Variants in TNN observed in about 807,000 individuals in gnomAD.
TNN encodes tenascin N.
Under a neutral mutation model 134.4 loss-of-function variants are expected in TNN, and 122 were observed. The observed-to-expected ratio is 0.91, with a 90% CI of 0.78 to 1.06. The LOEUF is 1.06. Ranked by LOEUF, TNN falls within the 50% of genes least tolerant of loss-of-function variation. The pLI, the probability that TNN is intolerant of heterozygous loss-of-function variation, is 0.00. For synonymous variants in TNN, 710 were observed against 670.3 expected (o/e 1.06, Z -0.91); for missense variants, 1,739 against 1,699.4 (o/e 1.02, Z -0.41).
chr1:175,146,136 G>C (rs1359706429), intron 18 of TNN, among the ~76,000 whole-genome samples: 1 of 152,320 alleles, frequency 6.6e-6, no homozygotes, highest in Non-Finnish European at 1.5e-5. Context: ...AGGGAAGCTG[G>C]GGAGGGTGGG....
chr1:175,128,331 G>A (rs1413643990), intron 14 of TNN, among the ~76,000 whole-genome samples, 167 bp downstream of exon 14: 1 of 152,262 alleles, frequency 6.6e-6, no homozygotes, highest in African/African-American at 2.4e-5. Context: ...CCCCACAGTG[G>A]GGAGGCTAAA....
intron 9 of TNN, among the ~76,000 whole-genome samples, chr1:175,109,530 G>A (rs1028547874): frequency 6.6e-6 from 1 of 152,012 alleles, no homozygotes; most frequent in African/African-American, 2.4e-5. Flanking sequence ...GTAAGAACAT[G>A]CAATGTTTGT....
chr1:175,134,936 A>T (rs1375406666), intron 15 of TNN, among the ~76,000 whole-genome samples: 2 of 152,172 alleles, frequency 1.3e-5, no homozygotes, highest in Non-Finnish European at 2.9e-5. Context: ...AATAATTTCC[A>T]GCGCTCTTAC....
intron 7 of TNN, 30 bp downstream of exon 7, chr1:175,094,283 T>C: frequency 6.6e-7 from 1 of 1,519,100 alleles, no homozygotes. Context: ...ATAAATAGGT[T>C]TCCTCATGGC....
At position 175,128,178 on chromosome 1, in the gene TNN, C is replaced by CTGTA. The variant is rs1164793014; in HGVS notation, c.3178+15_3178+18dup. The CTGTA allele has an allele frequency of 1.3e-6, 2 of 1,581,648 alleles. No individual in the cohort carries two copies. Among genetic ancestry groups the CTGTA allele is most frequent in the Non-Finnish European group, 1.7e-6 (2 of 1,164,444 alleles). ...CCCTCTCCACAGGTAATATGGAATC[C>CTGTA]TGTACTCTGAACGACCGTGCAATGA... On this transcript the variant is annotated intron_variant, in intron 14 of 18. Transcript: ENST00000239462.
intron 13 of TNN, among the ~76,000 whole-genome samples, chr1:175,127,573 T>C (rs982278753): frequency 3.9e-5 from 6 of 152,226 alleles, no homozygotes; most frequent in Non-Finnish European, 8.8e-5. Flanking sequence ...CCTATGTTTA[T>C]AGAGGAAGTA....
intron 17 of TNN, among the ~76,000 whole-genome samples, chr1:175,137,972 C>T (rs868234661): frequency 2.6e-5 from 4 of 152,172 alleles, no homozygotes; most frequent in Admixed American, 6.5e-5. Context: ...ACATGGAGTA[C>T]GAAGCAACTG....
intron 17 of TNN, among the ~76,000 whole-genome samples, chr1:175,139,689 C>T (rs1179869548): frequency 1.3e-5 from 2 of 152,146 alleles, no homozygotes; most frequent in Non-Finnish European, 2.9e-5. Context: ...AAACCAGTAA[C>T]ATAATTATTT....
At chr1:175,115,528 G>T (rs978550970) in intron 9 of TNN, among the ~76,000 whole-genome samples, 1 of 152,208 alleles carries the variant, frequency 6.6e-6, no homozygotes, top group African/African-American at 2.4e-5. Flanking sequence ...GGGGAAAGGT[G>T]TAACAGTTGC....
intron 17 of TNN, among the ~76,000 whole-genome samples, chr1:175,143,270 G>A (rs1383190210): frequency 6.6e-6 from 1 of 152,216 alleles, no homozygotes; most frequent in African/African-American, 2.4e-5. Context: ...TAAACTTAGA[G>A]CTGAGATATA....
intron 1 of TNN, among the ~76,000 whole-genome samples, chr1:175,070,704 A>G (rs138775100): frequency 1.2e-4 from 18 of 152,344 alleles, no homozygotes; most frequent in Non-Finnish European, 2.2e-4. Flanking sequence ...ACTGGAGTTT[A>G]ACCTAGGAGA....
intron 1 of TNN, among the ~76,000 whole-genome samples, chr1:175,074,530 A>G (rs1037157347): frequency 3.3e-5 from 5 of 149,736 alleles, no homozygotes; most frequent in African/African-American, 7.4e-5. Context: ...GGCACTTATT[A>G]CCCATGGTCC....
rs1451753922 is a variant in TNN, at chr1:175,080,481, GTTTC to G, written c.1048+60_1048+63del. 23 of 1,601,100 alleles carry G rather than the reference GTTTC, an allele frequency of 1.4e-5. No homozygotes were observed. The East Asian group carries it at 4.9e-4, about 34-fold the overall frequency. On this transcript the variant is annotated intron_variant, in intron 4 of 18. Coordinates refer to ENST00000239462, the MANE Select transcript of TNN (RefSeq NM_022093.2). ...CCCAGGAGAGGCCCCATTCTAAATG[GTTTC>G]TTTCATTAAACACCTGTAGGCAGTT...
intron 8 of TNN, among the ~76,000 whole-genome samples, 187 bp from the exon 9 acceptor site, chr1:175,098,145 A>G (rs1674617972): frequency 6.6e-6 from 1 of 152,180 alleles, no homozygotes; most frequent in South Asian, 2.1e-4. Context: ...CTCATTTATA[A>G]TGATTCCTCC....
intron 7 of TNN, 119 bp from the exon 8 acceptor site, chr1:175,097,298 C>T (rs2149432686): frequency 1.5e-6 from 2 of 1,294,798 alleles, no homozygotes; most frequent in South Asian, 2.8e-5. Context: ...TTAACTCAAT[C>T]ATTGACATAT....
chr1:175,133,741 A>G (rs1161699784), intron 15 of TNN, among the ~76,000 whole-genome samples: 2 of 152,118 alleles, frequency 1.3e-5, no homozygotes, highest in Non-Finnish European at 2.9e-5. Context: ...CTCTGTACTA[A>G]TTAGGATAGA....
intron 1 of TNN, among the ~76,000 whole-genome samples, chr1:175,076,644 A>T (rs1396852137): frequency 6.6e-6 from 1 of 152,192 alleles, no homozygotes; most frequent in Non-Finnish European, 1.5e-5. Context: ...CGTGAGCAGG[A>T]TGCTGGCCCT....
chr1:175,125,692 C>CTT (rs1488084533), intron 12 of TNN, among the ~76,000 whole-genome samples: 3 of 56,074 alleles, frequency 5.4e-5, no homozygotes, highest in African/African-American at 2.2e-4. Context: ...CTTTCTTTCT[C>CTT]TCTTTTTTCT....
intron 7 of TNN, among the ~76,000 whole-genome samples, chr1:175,096,603 A>G (rs1459644284): frequency 1.3e-5 from 2 of 152,208 alleles, no homozygotes; most frequent in African/African-American, 2.4e-5. Flanking sequence ...CATACACACA[A>G]TTGCTTGGAT....
Sources: allele counts gnomAD v4.1 joint callset (sites outside exome capture counted in the v4.1 genomes callset), GRCh38; gene constraint gnomAD v4.1.1; transcripts MANE v1.5; gene names NCBI Gene and HGNC (gene_info 2026-07-23, HGNC 2026-07-21).